The following PHACTR1 variants were observed in gnomAD, a reference collection of about 807,000 sequenced individuals.
PHACTR1 encodes the protein RPEL repeat containing 1.
A neutral mutation model predicts 69.2 loss-of-function variants in PHACTR1; 16 were observed. The observed-to-expected ratio is 0.23, with a 90% CI of 0.16 to 0.35. The LOEUF is 0.35. PHACTR1 is among the 10% of genes least tolerant of loss of function. The pLI is 1.00. For synonymous variants in PHACTR1, 312 were observed against 284.5 expected (o/e 1.10, Z -0.97); for missense variants, 510 against 734.7 (o/e 0.69, Z 3.54).
At chr6:13,284,141 C>G (rs1780945370) in intron 13 of PHACTR1, among the ~76,000 whole-genome samples, 1 of 152,164 alleles carries the variant, frequency 6.6e-6, no homozygotes, top group African/African-American at 2.4e-5. Context: ...GACAAGGTAT[C>G]AGAATGAACC....
chr6:12,933,940 GCGTGT>G, intron 4 of PHACTR1: 7 of 1,601,028 alleles, frequency 4.4e-6, no homozygotes, highest in Non-Finnish European at 6.0e-6. Flanking sequence ...ATGCGGGTTG[GCGTGT>G]GTATTCATTT....
chr6:13,241,963 A>G (rs1008608774), intron 10 of PHACTR1, among the ~76,000 whole-genome samples: 7 of 145,950 alleles, frequency 4.8e-5, no homozygotes, highest in Admixed American at 1.4e-4. Flanking sequence ...AACCCAGGAG[A>G]TGGAGGTTGC....
chr6:12,959,023 A>T (rs780063322), intron 4 of PHACTR1, among the ~76,000 whole-genome samples: 19 of 152,080 alleles, frequency 1.2e-4, no homozygotes, highest in Non-Finnish European at 2.5e-4. Context: ...CTAAAAATAC[A>T]AAAATTAGCT....
chr6:13,191,836 C>G (rs1334590232), intron 7 of PHACTR1, among the ~76,000 whole-genome samples: 1 of 152,182 alleles, frequency 6.6e-6, no homozygotes, highest in Non-Finnish European at 1.5e-5. Flanking sequence ...GCTGATTTTA[C>G]TTTTTATACT....
At chr6:12,770,141 C>T (rs1201347016) in intron 4 of PHACTR1, among the ~76,000 whole-genome samples, 2 of 152,190 alleles carry the variant, frequency 1.3e-5, no homozygotes, top group Non-Finnish European at 2.9e-5. Context: ...TTGCTGTGCC[C>T]TCCCATTATG....
At chr6:13,041,608 T>G in intron 4 of PHACTR1, among the ~76,000 whole-genome samples, 1 of 152,130 alleles carries the variant, frequency 6.6e-6, no homozygotes, top group Non-Finnish European at 1.5e-5. Context: ...TCAAATGGAA[T>G]GTAAAGTTTC....
At chr6:12,957,486 A>G in intron 4 of PHACTR1, 1 of 985,436 alleles carries the variant, frequency 1.0e-6, no homozygotes, top group Non-Finnish European at 1.2e-6. Flanking sequence ...AATGTCAAGT[A>G]AAACGCAGGA....
chr6:13,175,700 C>A (rs1761226168), intron 6 of PHACTR1, among the ~76,000 whole-genome samples: 1 of 152,174 alleles, frequency 6.6e-6, no homozygotes, highest in Admixed American at 6.5e-5. Context: ...AGTCTCCAGA[C>A]TGTTAAGGAT....
chr6:12,860,523 T>A (rs1040546910), intron 4 of PHACTR1, among the ~76,000 whole-genome samples: 1 of 152,176 alleles, frequency 6.6e-6, no homozygotes, highest in African/African-American at 2.4e-5. Context: ...GTAATGGAAT[T>A]GCTGGGTCAA....
chr6:12,877,012 C>T (rs1412681860), intron 4 of PHACTR1, among the ~76,000 whole-genome samples: 2 of 152,062 alleles, frequency 1.3e-5, no homozygotes, highest in African/African-American at 4.8e-5. Context: ...ACCTTTTGTT[C>T]TTCTCAGGCC....
intron 4 of PHACTR1, among the ~76,000 whole-genome samples, chr6:12,897,267 A>G (rs1471063745): frequency 6.6e-6 from 1 of 152,216 alleles, no homozygotes; most frequent in African/African-American, 2.4e-5. Flanking sequence ...ATTTAGCGGT[A>G]TCTATGTCAT....
intron 4 of PHACTR1, among the ~76,000 whole-genome samples, chr6:12,925,215 C>T (rs1788143412): frequency 6.6e-6 from 1 of 152,202 alleles, no homozygotes; most frequent in East Asian, 1.9e-4. Flanking sequence ...ACTTTATCAC[C>T]TTTCTGTTGA....
chr6:12,742,185 C>A (rs939907236), intron 3 of PHACTR1, among the ~76,000 whole-genome samples: 1 of 152,136 alleles, frequency 6.6e-6, no homozygotes, highest in African/African-American at 2.4e-5. Context: ...GGCCACTCAG[C>A]TGCTTATACT....
intron 3 of PHACTR1, among the ~76,000 whole-genome samples, chr6:12,730,519 A>G (rs1484144046): frequency 1.3e-5 from 2 of 152,126 alleles, no homozygotes; most frequent in Admixed American, 6.5e-5. Context: ...CATTGTATAT[A>G]ACTATAGCTT....
intron 4 of PHACTR1, among the ~76,000 whole-genome samples, chr6:13,045,439 T>G (rs1804868957): frequency 6.6e-6 from 1 of 152,188 alleles, no homozygotes; most frequent in African/African-American, 2.4e-5. Flanking sequence ...GGAAACACTG[T>G]ACCGTTTACA....
intron 4 of PHACTR1, among the ~76,000 whole-genome samples, chr6:12,863,850 C>T (rs1781175374): frequency 6.6e-6 from 1 of 150,798 alleles, no homozygotes; most frequent in African/African-American, 2.4e-5. Flanking sequence ...GTGTGTAGAT[C>T]CACAGGAGCA....
chr6:13,247,260 G>A (rs546429677), intron 10 of PHACTR1, among the ~76,000 whole-genome samples: 28 of 151,858 alleles, frequency 1.8e-4, no homozygotes, highest in Middle Eastern at 3.4e-3. Flanking sequence ...AAATCCAACC[G>A]TCCTTTCGAC....
intron 4 of PHACTR1, among the ~76,000 whole-genome samples, chr6:12,954,080 A>G (rs552982360): frequency 3.5e-4 from 54 of 152,180 alleles, no homozygotes; most frequent in Non-Finnish European, 7.3e-4. Flanking sequence ...GGCTTGAAAG[A>G]TTTCGCTATT....
intron 4 of PHACTR1, among the ~76,000 whole-genome samples, chr6:12,788,365 A>G (rs1465163202): frequency 6.6e-6 from 1 of 152,106 alleles, no homozygotes; most frequent in Non-Finnish European, 1.5e-5. Context: ...TATCAGAGTT[A>G]TTTCTAAGGA....
Sources: gnomAD v4.1 joint callset for allele counts (sites outside exome capture counted in the v4.1 genomes callset) on GRCh38, gnomAD v4.1.1 for gene constraint, MANE v1.5 for transcripts, NCBI Gene and HGNC (gene_info 2026-07-23, HGNC 2026-07-21) for gene names.